The following ADGB variants were observed in gnomAD, a reference collection of about 807,000 sequenced individuals.
ADGB encodes the protein androglobin.
In ADGB, 172 loss-of-function variants were observed where a neutral mutation model predicts 210.5. That is an observed-to-expected ratio of 0.82 (90% confidence interval 0.72 to 0.93). ADGB has a LOEUF of 0.93. Ranked by LOEUF, ADGB falls within the 40% of genes least tolerant of loss-of-function variation. The pLI, the probability that ADGB is intolerant of heterozygous loss-of-function variation, is 0.00. For missense variants in ADGB, 2,025 were observed against 1,964.8 expected (o/e 1.03, Z -0.58); for synonymous variants, 658 against 662.7 (o/e 0.99, Z 0.11).
intron 20 of ADGB, among the ~76,000 whole-genome samples, chr6:146,729,190 G>A (rs1776943328): frequency 6.6e-6 from 1 of 152,176 alleles, no homozygotes; most frequent in African/African-American, 2.4e-5. Context: ...GAAGCAAAGA[G>A]ACTTCCTGGT....
chr6:146,776,272 TG>T (rs1407677724), intron 29 of ADGB, among the ~76,000 whole-genome samples: 2 of 152,186 alleles, frequency 1.3e-5, no homozygotes, highest in African/African-American at 4.8e-5. Flanking sequence ...ACTAGTAGAA[TG>T]TTTTTTTCTT....
At chr6:146,612,881 A>G (rs981991036) in intron 1 of ADGB, among the ~76,000 whole-genome samples, 1 of 152,114 alleles carries the variant, frequency 6.6e-6, no homozygotes, top group Non-Finnish European at 1.5e-5. Flanking sequence ...ACTATTTACC[A>G]TTATTCCACT....
intron 20 of ADGB, 57 bp from the exon 21 acceptor site, chr6:146,733,063 G>C (rs780605569): frequency 1.0e-4 from 129 of 1,260,596 alleles, no homozygotes; most frequent in Non-Finnish European, 1.3e-4. Context: ...ATTTTTTAGA[G>C]CTTCTCTGGC....
chr6:146,612,467 T>C (rs981884905), intron 1 of ADGB, among the ~76,000 whole-genome samples: 2 of 152,156 alleles, frequency 1.3e-5, no homozygotes, highest in African/African-American at 2.4e-5. Flanking sequence ...ACTCCAGAGA[T>C]CAGTCATCTA....
chr6:146,690,955 T>G (rs549918539), intron 10 of ADGB, among the ~76,000 whole-genome samples, 161 bp from the exon 11 acceptor site: 4 of 152,072 alleles, frequency 2.6e-5, no homozygotes, highest in Non-Finnish European at 5.9e-5. Context: ...TGGAAAGAAA[T>G]ACAAATGATA....
chr6:146,671,292 A>C (rs1359658221), intron 7 of ADGB, among the ~76,000 whole-genome samples: 4 of 152,106 alleles, frequency 2.6e-5, no homozygotes, highest in Non-Finnish European at 4.4e-5. Flanking sequence ...TGGCTTGTGC[A>C]GTATTCTTGA....
At chr6:146,652,765 C>T (rs1271876275) in intron 3 of ADGB, among the ~76,000 whole-genome samples, 1 of 152,002 alleles carries the variant, frequency 6.6e-6, no homozygotes, top group African/African-American at 2.4e-5. Context: ...ACAAAATAGA[C>T]AATAATCATT....
At chr6:146,633,717 A>G (rs556165472) in intron 1 of ADGB, among the ~76,000 whole-genome samples, 95 of 152,176 alleles carry the variant, frequency 6.2e-4, no homozygotes, top group African/African-American at 2.3e-3. Context: ...AAAATTGAGT[A>G]CCTTAACTCA....
chr6:146,611,477 C>T (rs771107286), intron 1 of ADGB, among the ~76,000 whole-genome samples: 2 of 152,132 alleles, frequency 1.3e-5, no homozygotes, highest in Non-Finnish European at 2.9e-5. Flanking sequence ...CATGCCAGCT[C>T]AAATGTCTTT....
At chr6:146,659,351 G>A (rs191834739) in intron 5 of ADGB, among the ~76,000 whole-genome samples, 8 of 152,068 alleles carry the variant, frequency 5.3e-5, no homozygotes, top group Admixed American at 2.0e-4. Context: ...TTTCTTTCCC[G>A]TTTCCCATCT....
intron 35 of ADGB, among the ~76,000 whole-genome samples, chr6:146,806,398 T>G (rs923615488): frequency 2.0e-5 from 3 of 152,198 alleles, no homozygotes; most frequent in African/African-American, 7.2e-5. Flanking sequence ...TCTTAAAATG[T>G]CTCTCCTGCT....
intron 30 of ADGB, among the ~76,000 whole-genome samples, chr6:146,782,496 T>C (rs1382002355): frequency 2.0e-5 from 3 of 152,182 alleles, no homozygotes; most frequent in Non-Finnish European, 2.9e-5. Context: ...TGGAGGAGAC[T>C]GAAGGTAAAC....
At chr6:146,721,633 T>C in intron 17 of ADGB, 128 bp downstream of exon 17, 1 of 597,174 alleles carries the variant, frequency 1.7e-6, no homozygotes, top group Non-Finnish European at 2.9e-6. Context: ...AAGTCAGGAG[T>C]CCTAGGCCAG....
chr6:146,661,331 T>C (rs1775855030), intron 5 of ADGB, among the ~76,000 whole-genome samples: 1 of 150,026 alleles, frequency 6.7e-6, no homozygotes, highest in African/African-American at 2.4e-5. Context: ...GTGATCCTCC[T>C]GCCTCAGCCT....
intron 26 of ADGB, among the ~76,000 whole-genome samples, chr6:146,751,528 T>C (rs558237773): frequency 6.6e-6 from 1 of 152,276 alleles, no homozygotes; most frequent in African/African-American, 2.4e-5. Context: ...ATGGTATTTC[T>C]GGTTCTAAAT....
intron 1 of ADGB, among the ~76,000 whole-genome samples, chr6:146,616,769 A>G (rs1780806453): frequency 6.6e-6 from 1 of 152,006 alleles, no homozygotes; most frequent in Non-Finnish European, 1.5e-5. Flanking sequence ...TGGGTCCTCT[A>G]TTCTGCTTCA....
intron 12 of ADGB, among the ~76,000 whole-genome samples, chr6:146,697,508 AC>A (rs1396745494): frequency 6.6e-6 from 1 of 152,140 alleles, no homozygotes; most frequent in East Asian, 1.9e-4. Context: ...AATGACTAAG[AC>A]CCAGAACTCA....
At chr6:146,781,523 G>A (rs1777800405) in intron 29 of ADGB, among the ~76,000 whole-genome samples, 1 of 149,700 alleles carries the variant, frequency 6.7e-6, no homozygotes, top group Non-Finnish European at 1.5e-5. Flanking sequence ...GAAATATATA[G>A]CTACAAATGC....
chr6:146,691,186 G>A lies in ADGB; in HGVS notation c.1382G>A (p.Arg461Lys). The A allele has an allele frequency of 6.5e-7, 1 of 1,549,622 alleles. No individual in the cohort carries two copies. The highest frequency in any genetic ancestry group is 8.7e-7 in the Non-Finnish European group (1 of 1,146,324). ...HICSHPVLVT[R>K]SRSCPLVAPP... ...TGTAGCCATCCTGTGCTGGTGACTA[G>A]AAGTAGGTCTTGTCCTCTGGTAGCA... is the stretch of plus-strand genomic sequence containing the variant. Residue 461 changes from arginine (R) to lysine (K), a missense_variant, in exon 11 of 36, where the codon AGA (arginine) becomes AAA (lysine). By Grantham distance (26) the Arg-to-Lys change is conservative. Coordinates refer to ENST00000397944, the MANE Select transcript of ADGB (RefSeq NM_024694.4).
Sources: gnomAD v4.1 joint callset for allele counts (sites outside exome capture counted in the v4.1 genomes callset) on GRCh38, gnomAD v4.1.1 for gene constraint, MANE v1.5 for transcripts, NCBI Gene and HGNC (gene_info 2026-07-23, HGNC 2026-07-21) for gene names.